The following MYO1D variants were observed in gnomAD, a reference collection of about 807,000 sequenced individuals.
MYO1D encodes the protein unconventional myosin-Id.
In MYO1D, 83 loss-of-function variants were observed where a neutral mutation model predicts 122.0. The observed-to-expected ratio is 0.68, with a 90% CI of 0.57 to 0.82. The LOEUF (loss-of-function observed/expected upper bound fraction) is 0.82. Ranked by LOEUF, MYO1D falls within the 40% of genes least tolerant of loss-of-function variation. MYO1D has a pLI of 0.00. For synonymous variants in MYO1D, 464 were observed against 446.9 expected (o/e 1.04, Z -0.48); for missense variants, 1,157 against 1,269.5 (o/e 0.91, Z 1.35).
chr17:32,620,085 GC>G (rs1308106939), intron 20 of MYO1D, among the ~76,000 whole-genome samples: 1 of 152,184 alleles, frequency 6.6e-6, no homozygotes, highest in African/African-American at 2.4e-5. Context: ...CCTCAACATG[GC>G]TTCCATTGAC....
At chr17:32,695,792 T>C (rs989033347) in intron 16 of MYO1D, among the ~76,000 whole-genome samples, 13 of 152,214 alleles carry the variant, frequency 8.5e-5, no homozygotes, top group Non-Finnish European at 8.8e-5. Flanking sequence ...CTGGTACAAT[T>C]ATTTTGGAAA....
At chr17:32,559,281 CTTAAA>C (rs2087096928) in intron 21 of MYO1D, among the ~76,000 whole-genome samples, 1 of 152,198 alleles carries the variant, frequency 6.6e-6, no homozygotes, top group African/African-American at 2.4e-5. Flanking sequence ...ATATACTTTT[CTTAAA>C]TTAAGTTTAG....
intron 1 of MYO1D, among the ~76,000 whole-genome samples, chr17:32,833,879 G>T (rs1228686735): frequency 2.0e-5 from 3 of 151,632 alleles, no homozygotes; most frequent in Non-Finnish European, 4.4e-5. Context: ...GCCTTCCCTG[G>T]CCATTCTAGA....
intron 21 of MYO1D, among the ~76,000 whole-genome samples, chr17:32,554,758 A>T (rs1364896196): frequency 6.6e-6 from 1 of 152,252 alleles, no homozygotes; most frequent in Non-Finnish European, 1.5e-5. Context: ...AAAGGATATG[A>T]ATAATCCATG....
intron 10 of MYO1D, among the ~76,000 whole-genome samples, chr17:32,759,197 T>C (rs1029015030): frequency 3.9e-5 from 6 of 152,142 alleles, no homozygotes; most frequent in Admixed American, 2.0e-4. Context: ...ATAATTCTTA[T>C]ATAAAATAGC....
chr17:32,513,221 T>C (rs1425671328), intron 21 of MYO1D, among the ~76,000 whole-genome samples: 1 of 152,206 alleles, frequency 6.6e-6, no homozygotes, highest in Non-Finnish European at 1.5e-5. Context: ...GCAGATAGAC[T>C]GTTGACTGAT....
At chr17:32,642,547 T>G (rs1054591255) in intron 19 of MYO1D, among the ~76,000 whole-genome samples, 4 of 152,234 alleles carry the variant, frequency 2.6e-5, no homozygotes, top group Admixed American at 2.6e-4. Flanking sequence ...ACGATATTGA[T>G]TCTTCCTATC....
intron 1 of MYO1D, among the ~76,000 whole-genome samples, chr17:32,806,074 C>T (rs112939318): frequency 0.069 from 10,568 of 152,134 alleles, 542 homozygotes; most frequent in Non-Finnish European, 0.093. Context: ...CTGGCTAGCA[C>T]GGTGAAACCC....
intron 1 of MYO1D, among the ~76,000 whole-genome samples, chr17:32,805,622 C>T (rs1018011960): frequency 5.3e-5 from 8 of 151,596 alleles, no homozygotes; most frequent in East Asian, 1.9e-4. Flanking sequence ...CAAAATTAGA[C>T]AGCATTTATA....
intron 1 of MYO1D, 91 bp from the exon 2 acceptor site, chr17:32,780,875 C>A: frequency 8.1e-7 from 1 of 1,234,660 alleles, no homozygotes; most frequent in Non-Finnish European, 1.2e-6. Context: ...CAAGGAAGTC[C>A]AAATATCCTA....
intron 16 of MYO1D, among the ~76,000 whole-genome samples, chr17:32,693,580 A>C (rs2089133078): frequency 6.6e-6 from 1 of 152,230 alleles, no homozygotes; most frequent in Non-Finnish European, 1.5e-5. Context: ...AAGCATATGT[A>C]CATCTCTTGG....
intron 21 of MYO1D, among the ~76,000 whole-genome samples, chr17:32,588,143 A>C (rs1026306390): frequency 6.6e-6 from 1 of 152,248 alleles, no homozygotes; most frequent in African/African-American, 2.4e-5. Context: ...GATAAGCTAA[A>C]GTCCCCATAG....
chr17:32,570,254 C>T (rs1343564098), intron 21 of MYO1D, among the ~76,000 whole-genome samples: 1 of 152,190 alleles, frequency 6.6e-6, no homozygotes, highest in East Asian at 1.9e-4. Flanking sequence ...CAGTCTCTGA[C>T]AGTCAAAAAT....
chr17:32,652,314 G>C (rs916255279), intron 19 of MYO1D, among the ~76,000 whole-genome samples: 1 of 152,064 alleles, frequency 6.6e-6, no homozygotes, highest in African/African-American at 2.4e-5. Context: ...ATTTATAGTT[G>C]AAAAATCATA....
At chr17:32,693,247 T>G (rs542545003) in intron 16 of MYO1D, among the ~76,000 whole-genome samples, 1 of 152,342 alleles carries the variant, frequency 6.6e-6, no homozygotes, top group South Asian at 2.1e-4. Context: ...AATGAATATG[T>G]AGCCATTTTT....
intron 21 of MYO1D, among the ~76,000 whole-genome samples, chr17:32,551,166 G>C (rs2087012125): frequency 6.6e-6 from 1 of 152,064 alleles, no homozygotes; most frequent in Admixed American, 6.6e-5. Flanking sequence ...GACTTCTAGG[G>C]GTGGGGAGCC....
At chr17:32,747,472 T>C (rs569013672) in intron 12 of MYO1D, among the ~76,000 whole-genome samples, 30 of 152,188 alleles carry the variant, frequency 2.0e-4, no homozygotes, top group East Asian at 9.7e-4. Context: ...TGATTAATGA[T>C]CTTGAGAGGA....
At chr17:32,521,409 TAA>T (rs747752757) in intron 21 of MYO1D, among the ~76,000 whole-genome samples, 6 of 152,194 alleles carry the variant, frequency 3.9e-5, no homozygotes, top group Admixed American at 6.5e-5. Context: ...TGAAGGCCTG[TAA>T]ATTCCCGCAT....
intron 21 of MYO1D, among the ~76,000 whole-genome samples, chr17:32,563,803 A>G (rs2087148320): frequency 6.6e-6 from 1 of 152,236 alleles, no homozygotes; most frequent in Non-Finnish European, 1.5e-5. Context: ...CACACGTGGC[A>G]TTCAATCACA....
Sources: allele counts gnomAD v4.1 joint callset (sites outside exome capture counted in the v4.1 genomes callset), GRCh38; gene constraint gnomAD v4.1.1; transcripts MANE v1.5; gene names NCBI Gene and HGNC (gene_info 2026-07-23, HGNC 2026-07-21).